Variants in GPM6B observed in about 807,000 individuals in gnomAD.
GPM6B encodes glycoprotein M6B, also known as neuronal membrane glycoprotein M6-b.
A neutral mutation model predicts 27.2 loss-of-function variants in GPM6B; 4 were observed. The ratio of observed to expected loss-of-function variants is 0.15; its 90% CI spans 0.07 to 0.34. The LOEUF is 0.34. Ranked by LOEUF, GPM6B falls within the 10% of genes least tolerant of loss-of-function variation. The pLI, the probability that GPM6B is intolerant of heterozygous loss-of-function variation, is 1.00. For missense variants in GPM6B, 183 were observed against 261.9 expected (o/e 0.70, Z 2.08); for synonymous variants, 124 against 103.1 (o/e 1.20, Z -1.23).
intron 1 of GPM6B, among the ~76,000 whole-genome samples, chrX:13,844,988 TTTTC>T (rs1236953629): frequency 5.1e-5 from 5 of 98,401 alleles, no homozygotes; most frequent in Admixed American, 1.1e-4. Flanking sequence ...CGTTTTTTCT[TTTTC>T]TTTTTTTTTT....
chrX:13,840,480 A>T (rs778954748), intron 1 of GPM6B, among the ~76,000 whole-genome samples: 1 of 111,751 alleles, frequency 8.9e-6, no homozygotes, highest in South Asian at 3.8e-4. Flanking sequence ...GGTGTATAGT[A>T]GAAGCGCAAT....
At chrX:13,841,459 C>G (rs2049573694) in intron 1 of GPM6B, among the ~76,000 whole-genome samples, 1 of 112,114 alleles carries the variant, frequency 8.9e-6, no homozygotes, top group Non-Finnish European at 1.9e-5. Context: ...GAGCAGTCAT[C>G]CAAGATCTAC....
chrX:13,901,873 TTTTA>T (rs1184757711), intron 1 of GPM6B, among the ~76,000 whole-genome samples: 1 of 112,211 alleles, frequency 8.9e-6, no homozygotes, highest in Admixed American at 9.4e-5. Flanking sequence ...TACCTGCTGA[TTTTA>T]TTTGTCATTA....
At position 13,771,764 on chromosome X, in the gene GPM6B, C is replaced by T. The variant is rs1265016276; in HGVS notation, c.*1117G>A. On this transcript the variant is annotated 3_prime_UTR_variant, in exon 8 of 8. Coordinates refer to ENST00000316715, the MANE Select transcript of GPM6B (RefSeq NM_001001995.3). ...AAAGGCAAGTTTCTTTTGAAAATGG[C>T]TTAAACTCAAGCAGTTCTCTTGCTG... 1 of 112,301 alleles carries T rather than the reference C, an allele frequency of 8.9e-6. No individual in the cohort carries two copies. Among genetic ancestry groups the T allele is most frequent in the Non-Finnish European group, 1.9e-5 (1 of 53,135 alleles). 9.3% of individuals were successfully genotyped at this position (112,301 alleles called of 1,213,427 possible). A position where few individuals can be genotyped will look rare whatever the true frequency, so the allele number is the denominator to read the frequency against.
At chrX:13,887,916 T>G (rs1389575380) in intron 1 of GPM6B, among the ~76,000 whole-genome samples, 1 of 111,722 alleles carries the variant, frequency 9.0e-6, no homozygotes, top group Non-Finnish European at 1.9e-5. Flanking sequence ...TACTGAGGAT[T>G]TTTTGTTATA....
At chrX:13,904,841 A>G (rs902195683) in intron 1 of GPM6B, among the ~76,000 whole-genome samples, 2 of 110,286 alleles carry the variant, frequency 1.8e-5, no homozygotes, top group Admixed American at 9.8e-5. Flanking sequence ...GGTGTCCTGA[A>G]CTCTCTAAAA....
intron 1 of GPM6B, among the ~76,000 whole-genome samples, chrX:13,843,641 T>C (rs2049608112): frequency 8.9e-6 from 1 of 112,548 alleles, no homozygotes; most frequent in South Asian, 3.6e-4. Flanking sequence ...TGATAGTGGG[T>C]GTGAAGTGAT....
intron 1 of GPM6B, chrX:13,938,290 G>A (rs1921943932): frequency 8.4e-6 from 2 of 237,788 alleles, no homozygotes; most frequent in Non-Finnish European, 1.4e-5. Flanking sequence ...CCGGAGCGGG[G>A]ACCACCCCCC....
chrX:13,802,015 C>A, intron 2 of GPM6B, among the ~76,000 whole-genome samples: 1 of 110,891 alleles, frequency 9.0e-6, no homozygotes, highest in East Asian at 2.8e-4. Context: ...CTTCGGCACC[C>A]AAAAGGACAC....
At chrX:13,782,841 G>GC (rs57861520) in intron 4 of GPM6B, among the ~76,000 whole-genome samples, 1,184 of 110,175 alleles carry the variant, frequency 0.011, 19 homozygotes, top group South Asian at 0.062. Context: ...TTGGCCCACA[G>GC]CCCCTAGTTT....
chrX:13,822,827 A>G (rs976229420), intron 1 of GPM6B, among the ~76,000 whole-genome samples: 3 of 112,066 alleles, frequency 2.7e-5, no homozygotes, highest in African/African-American at 9.7e-5. Flanking sequence ...CTTTTTATAT[A>G]AAGTAGCAAC....
At chrX:13,801,107 A>G (rs1330552905) in intron 2 of GPM6B, among the ~76,000 whole-genome samples, 2 of 111,831 alleles carry the variant, frequency 1.8e-5, no homozygotes, top group African/African-American at 6.5e-5. Context: ...TCTTTTCTAT[A>G]CACAGGAAAT....
intron 1 of GPM6B, among the ~76,000 whole-genome samples, chrX:13,886,719 T>TAAAAAAAAAAAAAACAAAAAAA (rs2050139112): frequency 2.8e-5 from 1 of 35,106 alleles, no homozygotes; most frequent in Non-Finnish European, 4.0e-5. Flanking sequence ...AAGTCACTAC[T>TAAAAAAAAAAAAAACAAAAAAA]AAAAAAAAAA....
At chrX:13,916,325 A>G in intron 1 of GPM6B, among the ~76,000 whole-genome samples, 1 of 112,266 alleles carries the variant, frequency 8.9e-6, no homozygotes, top group Middle Eastern at 4.6e-3. Flanking sequence ...TCTAAACAGA[A>G]AGAAAAAACC....
At chrX:13,833,877 T>C (rs1315493490) in intron 1 of GPM6B, among the ~76,000 whole-genome samples, 1 of 112,771 alleles carries the variant, frequency 8.9e-6, no homozygotes, top group Non-Finnish European at 1.9e-5. Context: ...GGAAGGTTTC[T>C]AGTGCTCTGC....
At chrX:13,774,156 TCAG>T in intron 7 of GPM6B, 1 of 760,823 alleles carries the variant, frequency 1.3e-6, no homozygotes, top group Non-Finnish European at 1.6e-6. Flanking sequence ...CATTTCATCT[TCAG>T]CACTTGTTTT....
At chrX:13,924,562 C>T (rs1921079490) in intron 1 of GPM6B, among the ~76,000 whole-genome samples, 1 of 111,964 alleles carries the variant, frequency 8.9e-6, no homozygotes, top group Non-Finnish European at 1.9e-5. Flanking sequence ...CTCGGCCTCT[C>T]GAAGTGCTGG....
At chrX:13,856,768 T>C (rs1480543632) in intron 1 of GPM6B, among the ~76,000 whole-genome samples, 4 of 107,026 alleles carry the variant, frequency 3.7e-5, no homozygotes, top group Non-Finnish European at 7.7e-5. Flanking sequence ...GGTGCGATCA[T>C]AGCTCACTGC....
chrX:13,806,846 T>A (rs1365030481), intron 2 of GPM6B, among the ~76,000 whole-genome samples: 1 of 112,088 alleles, frequency 8.9e-6, no homozygotes, highest in Admixed American at 9.5e-5. Context: ...ACCAGCCCTT[T>A]ATGTCTGCAT....
Sources: gnomAD v4.1 joint callset for allele counts (sites outside exome capture counted in the v4.1 genomes callset) on GRCh38, gnomAD v4.1.1 for gene constraint, MANE v1.5 for transcripts, NCBI Gene and HGNC (gene_info 2026-07-23, HGNC 2026-07-21) for gene names.